The following PAK1 variants were observed in gnomAD, a reference collection of about 807,000 sequenced individuals.
PAK1 encodes serine/threonine-protein kinase PAK 1.
In PAK1, 29 loss-of-function variants were observed where a neutral mutation model predicts 67.4. The observed-to-expected ratio is 0.43, with a 90% CI of 0.32 to 0.59. The LOEUF is 0.59. PAK1 is among the 20% of genes least tolerant of loss of function. The pLI is 0.07. For missense variants in PAK1, 337 were observed against 670.7 expected (o/e 0.50, Z 5.50); for synonymous variants, 223 against 237.4 (o/e 0.94, Z 0.56).
At chr11:77,425,347 A>G (rs910360252) in intron 1 of PAK1, among the ~76,000 whole-genome samples, 2 of 151,396 alleles carry the variant, frequency 1.3e-5, no homozygotes, top group African/African-American at 4.9e-5. Flanking sequence ...GACTCCAACT[A>G]TGGTGTTCTA....
chr11:77,502,168 C>T, the PAK1 span, among the ~76,000 whole-genome samples: 3 of 151,922 alleles, frequency 2.0e-5, no homozygotes, highest in Non-Finnish European at 2.9e-5. Flanking sequence ...CTTTTGTGTG[C>T]GTGTATGTGC....
intron 1 of PAK1, among the ~76,000 whole-genome samples, chr11:77,437,746 A>G (rs1320667187): frequency 6.6e-6 from 1 of 152,198 alleles, no homozygotes; most frequent in Non-Finnish European, 1.5e-5. Flanking sequence ...TATAGACTAA[A>G]ACAAATCAAA....
intron 1 of PAK1, among the ~76,000 whole-genome samples, chr11:77,467,017 C>G (rs1003567854): frequency 2.0e-5 from 3 of 152,170 alleles, no homozygotes; most frequent in Non-Finnish European, 2.9e-5. Flanking sequence ...GGCCCTGCCT[C>G]CTCTCTGCTC....
upstream of PAK1, among the ~76,000 whole-genome samples, chr11:77,479,085 A>C (rs1475143561): frequency 1.8e-5 from 2 of 114,096 alleles, no homozygotes; most frequent in African/African-American, 4.7e-5. Context: ...ACTCCGTCTC[A>C]AAAAAAAAAA....
intron 1 of PAK1, among the ~76,000 whole-genome samples, chr11:77,455,352 G>A (rs1225091703): frequency 6.6e-6 from 1 of 151,956 alleles, no homozygotes; most frequent in Non-Finnish European, 1.5e-5. Context: ...ATGTGATTTA[G>A]GTTCCACCAT....
chr11:77,523,815 G>A, the PAK1 span, among the ~76,000 whole-genome samples: 1 of 152,152 alleles, frequency 6.6e-6, no homozygotes, highest in Non-Finnish European at 1.5e-5. Flanking sequence ...ACAGTGAAGT[G>A]GCAATGGAAG....
chr11:77,324,776 C>G (rs375532760), intron 14 of PAK1, among the ~76,000 whole-genome samples: 5,374 of 126,810 alleles, frequency 0.042, 135 homozygotes, highest in African/African-American at 0.13. Context: ...CACACACACA[C>G]AGAGAGAGAG....
intron 1 of PAK1, among the ~76,000 whole-genome samples, chr11:77,435,419 G>C (rs976057140): frequency 2.6e-5 from 4 of 152,054 alleles, no homozygotes; most frequent in Non-Finnish European, 4.4e-5. Context: ...TTCGCAAGGT[G>C]GCTGGAAGAT....
chr11:77,324,172 C>CTTTTTTTTTTTT (rs11324143), intron 14 of PAK1, among the ~76,000 whole-genome samples: 2 of 127,462 alleles, frequency 1.6e-5, no homozygotes, highest in African/African-American at 3.1e-5. Flanking sequence ...AAAGCAATTC[C>CTTTTTTTTTTTT]TTTTTTTTTT....
intron 1 of PAK1, among the ~76,000 whole-genome samples, chr11:77,401,391 G>A (rs1952664071): frequency 6.6e-6 from 1 of 152,138 alleles, no homozygotes; most frequent in South Asian, 2.1e-4. Flanking sequence ...CTGTTTCTGG[G>A]TGGTTAGGAA....
intron 1 of PAK1, among the ~76,000 whole-genome samples, chr11:77,466,319 C>T (rs1957591931): frequency 6.6e-6 from 1 of 152,140 alleles, no homozygotes; most frequent in African/African-American, 2.4e-5. Flanking sequence ...AAAATGTCTT[C>T]AAGGCCGGGC....
the PAK1 span, among the ~76,000 whole-genome samples, chr11:77,505,703 T>C: frequency 6.6e-6 from 1 of 152,392 alleles, no homozygotes; most frequent in Non-Finnish European, 1.5e-5. Flanking sequence ...AGTAACATCC[T>C]CAAATTTCAT....
At chr11:77,509,615 C>T in the PAK1 span, among the ~76,000 whole-genome samples, 2 of 152,166 alleles carry the variant, frequency 1.3e-5, no homozygotes, top group Non-Finnish European at 2.9e-5. Flanking sequence ...ATCCCCAATG[C>T]TGGAGGTAGG....
At chr11:77,393,978 G>A (rs111232561) in intron 1 of PAK1, among the ~76,000 whole-genome samples, 28 of 152,288 alleles carry the variant, frequency 1.8e-4, no homozygotes, top group African/African-American at 6.7e-4. Flanking sequence ...ACTCCAGCCT[G>A]GGTGACAGAG....
chr11:77,393,295 G>C (rs976853184), intron 1 of PAK1, among the ~76,000 whole-genome samples: 31 of 150,920 alleles, frequency 2.1e-4, no homozygotes, highest in Non-Finnish European at 2.4e-4. Flanking sequence ...AAGAGAGAGA[G>C]AGAGAGAGAG....
At chr11:77,368,906 C>T (rs905639688) in intron 5 of PAK1, among the ~76,000 whole-genome samples, 3 of 152,152 alleles carry the variant, frequency 2.0e-5, no homozygotes, top group African/African-American at 4.8e-5. Context: ...CCATTAACCC[C>T]AGAGGTAATT....
chr11:77,424,264 C>T (rs1043676058), intron 1 of PAK1, among the ~76,000 whole-genome samples: 1 of 152,012 alleles, frequency 6.6e-6, no homozygotes, highest in Admixed American at 6.5e-5. Flanking sequence ...AGTTAGTTTC[C>T]CGTTACCTCC....
chr11:77,347,920 C>T (rs1446254335), intron 9 of PAK1, among the ~76,000 whole-genome samples: 1 of 152,112 alleles, frequency 6.6e-6, no homozygotes, highest in Non-Finnish European at 1.5e-5. Context: ...GGTCAAATGA[C>T]TTGCCCAAGG....
At chr11:77,409,160 T>G (rs1189493568) in intron 1 of PAK1, among the ~76,000 whole-genome samples, 2 of 152,030 alleles carry the variant, frequency 1.3e-5, no homozygotes, top group East Asian at 3.9e-4. Flanking sequence ...CAGTCCCAAC[T>G]ACTTCAGAGG....
Sources: allele counts gnomAD v4.1 joint callset (sites outside exome capture counted in the v4.1 genomes callset), GRCh38; gene constraint gnomAD v4.1.1; transcripts MANE v1.5; gene names NCBI Gene and HGNC (gene_info 2026-07-23, HGNC 2026-07-21).